Variants in AK5 observed in about 807,000 individuals in gnomAD.
AK5 encodes adenylate kinase isoenzyme 5.
A neutral mutation model predicts 69.5 loss-of-function variants in AK5; 27 were observed. The ratio of observed to expected loss-of-function variants is 0.39; its 90% CI spans 0.29 to 0.54. The LOEUF (loss-of-function observed/expected upper bound fraction) is 0.54. AK5 is among the 20% of genes least tolerant of loss of function. AK5 has a pLI of 0.71. For synonymous variants in AK5, 260 were observed against 244.4 expected (o/e 1.06, Z -0.60); for missense variants, 531 against 700.4 (o/e 0.76, Z 2.73).
intron 8 of AK5, among the ~76,000 whole-genome samples, chr1:77,470,859 ATATATATATATATATATTT>A (rs1570199597): frequency 5.8e-3 from 10 of 1,726 alleles, no homozygotes; most frequent in Middle Eastern, 0.25. Context: ...ATATATATAT[ATATATATATATATATATTT>A]TTTTTTTTTT....
At chr1:77,549,027 C>T (rs11162362) in intron 13 of AK5, among the ~76,000 whole-genome samples, 91,319 of 150,974 alleles carry the variant, frequency 0.6, 30,308 homozygotes, top group Non-Finnish European at 0.74. Flanking sequence ...AGGTACCTGC[C>T]ACCACACCCG....
chr1:77,323,018 C>T (rs6668328), intron 5 of AK5, among the ~76,000 whole-genome samples: 5 of 150,632 alleles, frequency 3.3e-5, no homozygotes, highest in African/African-American at 7.3e-5. Context: ...GACAGAATTT[C>T]GCTCTGTCAC....
At chr1:77,468,633 T>G (rs1368566886) in intron 8 of AK5, among the ~76,000 whole-genome samples, 4 of 152,348 alleles carry the variant, frequency 2.6e-5, no homozygotes, top group Non-Finnish European at 5.9e-5. Context: ...CTATACCACA[T>G]TATATATGAT....
intron 6 of AK5, among the ~76,000 whole-genome samples, chr1:77,376,327 T>C (rs1253038545): frequency 2.0e-5 from 3 of 150,434 alleles, no homozygotes; most frequent in Non-Finnish European, 4.4e-5. Context: ...CGAAGCAGAC[T>C]CTGATGGTGT....
At chr1:77,317,824 G>T (rs1008701023) in intron 5 of AK5, among the ~76,000 whole-genome samples, 1 of 152,164 alleles carries the variant, frequency 6.6e-6, no homozygotes, top group Non-Finnish European at 1.5e-5. Context: ...AATGTGTATT[G>T]TCCAGTCTCC....
At chr1:77,531,268 A>G (rs1658563615) in intron 12 of AK5, among the ~76,000 whole-genome samples, 1 of 152,134 alleles carries the variant, frequency 6.6e-6, no homozygotes, top group African/African-American at 2.4e-5. Context: ...AGCAAGATTT[A>G]CCGCAAAGAG....
intron 9 of AK5, among the ~76,000 whole-genome samples, chr1:77,484,699 G>A (rs1655480397): frequency 6.6e-6 from 1 of 152,114 alleles, no homozygotes; most frequent in African/African-American, 2.4e-5. Flanking sequence ...TATAAAATAA[G>A]AGCCATTTAA....
chr1:77,500,000 TAA>T (rs1656615656), intron 10 of AK5, among the ~76,000 whole-genome samples: 2 of 150,446 alleles, frequency 1.3e-5, no homozygotes, highest in Admixed American at 1.3e-4. Flanking sequence ...AAGCTCAGAT[TAA>T]GTTACTTCCC....
chr1:77,399,009 G>A (rs1223641500), intron 6 of AK5, among the ~76,000 whole-genome samples: 1 of 152,136 alleles, frequency 6.6e-6, no homozygotes, highest in Non-Finnish European at 1.5e-5. Flanking sequence ...TGATTGAGAA[G>A]CAATGCATTA....
chr1:77,538,119 C>T (rs996293437), intron 13 of AK5, among the ~76,000 whole-genome samples: 1 of 152,164 alleles, frequency 6.6e-6, no homozygotes, highest in Admixed American at 6.5e-5. Flanking sequence ...AGGAGGATTA[C>T]TTGAGTCCAG....
At chr1:77,384,558 A>G (rs573628106) in intron 6 of AK5, among the ~76,000 whole-genome samples, 1 of 152,282 alleles carries the variant, frequency 6.6e-6, no homozygotes, top group Non-Finnish European at 1.5e-5. Context: ...AGAGAGATTC[A>G]AGTCTTGGTT....
chr1:77,357,992 A>AGTGTGTGTGTGT (rs10643921), intron 6 of AK5, among the ~76,000 whole-genome samples: 3,361 of 121,058 alleles, frequency 0.028, 64 homozygotes, highest in South Asian at 0.059. Flanking sequence ...TATGGAGAGT[A>AGTGTGTGTGTGT]GTGTGTGTGT....
intron 8 of AK5, among the ~76,000 whole-genome samples, chr1:77,423,675 G>A (rs2100595467): frequency 6.6e-6 from 1 of 152,046 alleles, no homozygotes. Flanking sequence ...GATAATAGCT[G>A]GAGGTTCAGT....
At chr1:77,451,686 G>A (rs375318188) in intron 8 of AK5, among the ~76,000 whole-genome samples, 8 of 152,218 alleles carry the variant, frequency 5.3e-5, no homozygotes, top group African/African-American at 1.9e-4. Context: ...AGTAACGTCA[G>A]TCTCTCAGGG....
At chr1:77,350,602 A>G (rs979963469) in intron 6 of AK5, among the ~76,000 whole-genome samples, 1 of 152,190 alleles carries the variant, frequency 6.6e-6, no homozygotes, top group African/African-American at 2.4e-5. Context: ...TGACTGACAC[A>G]AGGTTTTACT....
At chr1:77,379,311 A>T (rs879837210) in intron 6 of AK5, among the ~76,000 whole-genome samples, 9 of 152,206 alleles carry the variant, frequency 5.9e-5, no homozygotes, top group Non-Finnish European at 8.8e-5. Flanking sequence ...CACAGAGCAC[A>T]TTAATCATCA....
At chr1:77,528,394 G>A (rs1394849930) in intron 12 of AK5, among the ~76,000 whole-genome samples, 2 of 152,034 alleles carry the variant, frequency 1.3e-5, no homozygotes, top group Admixed American at 6.6e-5. Flanking sequence ...TGATGCGTCC[G>A]ATGCATTGGA....
chr1:77,292,086 G>A (rs1658718149), intron 2 of AK5, among the ~76,000 whole-genome samples: 1 of 152,210 alleles, frequency 6.6e-6, no homozygotes, highest in African/African-American at 2.4e-5. Context: ...GATGGCTTGG[G>A]AAGAGTTGTG....
At chr1:77,376,203 T>TA (rs1416634034) in intron 6 of AK5, among the ~76,000 whole-genome samples, 3 of 152,086 alleles carry the variant, frequency 2.0e-5, no homozygotes, top group African/African-American at 7.2e-5. Context: ...CATTGAACAG[T>TA]AATTAGGGAA....
Sources: gnomAD v4.1 joint callset for allele counts (sites outside exome capture counted in the v4.1 genomes callset) on GRCh38, gnomAD v4.1.1 for gene constraint, MANE v1.5 for transcripts, NCBI Gene and HGNC (gene_info 2026-07-23, HGNC 2026-07-21) for gene names.